Variants in B3GALNT2 observed in about 807,000 individuals in gnomAD.
The protein encoded by B3GALNT2 is UDP-GalNAc:beta-1,3-N-acetylgalactosaminyltransferase 2.
In B3GALNT2, 53 loss-of-function variants were observed where a neutral mutation model predicts 61.1. The observed-to-expected ratio is 0.87, with a 90% CI of 0.70 to 1.09. The LOEUF (loss-of-function observed/expected upper bound fraction) is 1.09. Ranked by LOEUF, B3GALNT2 falls within the 50% of genes least tolerant of loss-of-function variation. The pLI is 0.00. For synonymous variants in B3GALNT2, 223 were observed against 237.4 expected, an observed-to-expected ratio of 0.94 and a Z score of 0.56; for missense variants, 544 against 623.0, an observed-to-expected ratio of 0.87 and a Z score of 1.35.
intron 5 of B3GALNT2, among the ~76,000 whole-genome samples, chr1:235,474,653 G>C (rs704717): frequency 0.71 from 108,304 of 151,516 alleles, 39,312 homozygotes; most frequent in African/African-American, 0.84. Flanking sequence ...AACCCTGTCT[G>C]TATTAAAAAT....
At chr1:235,455,458 A>G (rs921985499) in intron 9 of B3GALNT2, 101 bp downstream of exon 9, 9 of 1,285,674 alleles carry the variant, frequency 7.0e-6, no homozygotes, top group African/African-American at 4.5e-5. Context: ...ACGAAATTGT[A>G]TATCTCAACC....
intron 5 of B3GALNT2, among the ~76,000 whole-genome samples, chr1:235,473,882 T>C (rs1684119323): frequency 1.3e-5 from 2 of 152,246 alleles, no homozygotes; most frequent in East Asian, 1.9e-4. Flanking sequence ...GTCCATTCAA[T>C]TGACATGACA....
chr1:235,498,843 CAAAAAAAAAAAAAA>C (rs57291873), intron 1 of B3GALNT2, among the ~76,000 whole-genome samples: 57 of 64,114 alleles, frequency 8.9e-4, no homozygotes, highest in Admixed American at 1.6e-3. Context: ...GACTCCTTCT[CAAAAAAAAAAAAAA>C]AAAAAAAAAA....
In B3GALNT2 at chr1:235,448,198, AAG is replaced by A; in HGVS notation, c.*2006_*2007del. On this transcript the variant is annotated 3_prime_UTR_variant, in exon 12 of 12. Transcript: ENST00000366600. ...CTGGGCGACAGAGCAAGACTTACTT[AAG>A]TAAGTAAGTAAGTCAGTCTCAAAAA... The A allele has an allele frequency of 1.4e-6, 1 of 692,650 alleles. No individual in the cohort carries two copies. The highest frequency in any genetic ancestry group is 2.5e-6 in the Non-Finnish European group (1 of 396,236). The allele number at this position is 692,650 out of a possible 1,614,324, so 42.9% of individuals were successfully genotyped here.
chr1:235,467,968 C>T (rs774956960), intron 6 of B3GALNT2, among the ~76,000 whole-genome samples: 13 of 151,858 alleles, frequency 8.6e-5, no homozygotes, highest in African/African-American at 1.7e-4. Flanking sequence ...TTAGTAGAGA[C>T]GGGGTTTCAC....
chr1:235,447,024 A>G (rs559858357), downstream of B3GALNT2, among the ~76,000 whole-genome samples: 1 of 152,244 alleles, frequency 6.6e-6, no homozygotes, highest in South Asian at 2.1e-4. Flanking sequence ...GGCATGTGTT[A>G]GGAGTATGTC....
chr1:235,503,104 A>G (rs183801415), intron 1 of B3GALNT2, among the ~76,000 whole-genome samples: 60 of 152,386 alleles, frequency 3.9e-4, no homozygotes, highest in Non-Finnish European at 2.1e-4. Context: ...GGATTGCCGA[A>G]TACTTTCTAC....
intron 8 of B3GALNT2, 45 bp downstream of exon 8, chr1:235,458,558 T>C: frequency 2.0e-6 from 3 of 1,495,128 alleles, no homozygotes; most frequent in Non-Finnish European, 2.7e-6. Flanking sequence ...AAAAAAAAAC[T>C]AACAATAAAA....
chr1:235,480,917 A>C (rs1459384008), intron 4 of B3GALNT2, among the ~76,000 whole-genome samples: 4 of 101,336 alleles, frequency 3.9e-5, no homozygotes, highest in East Asian at 3.8e-4. Context: ...AAAAAAAAAA[A>C]AAAAAAAAAA....
chr1:235,453,607 A>C (rs1683030196), intron 10 of B3GALNT2, among the ~76,000 whole-genome samples: 4 of 151,998 alleles, frequency 2.6e-5, no homozygotes, highest in Admixed American at 2.6e-4. Context: ...GTGTGCGCCC[A>C]GCTAATTTTT....
At chr1:235,486,111 T>G (rs949413665) in intron 3 of B3GALNT2, among the ~76,000 whole-genome samples, 1 of 152,160 alleles carries the variant, frequency 6.6e-6, no homozygotes, top group Admixed American at 6.5e-5. Context: ...AAATTACATT[T>G]TCTTCCTATA....
intron 1 of B3GALNT2, among the ~76,000 whole-genome samples, chr1:235,499,637 A>C (rs939391989): frequency 5.9e-5 from 9 of 152,180 alleles, no homozygotes; most frequent in Admixed American, 1.3e-4. Context: ...AAGGCATATA[A>C]ATTTATTTGA....
chr1:235,492,379 C>T (rs893768246), intron 2 of B3GALNT2, among the ~76,000 whole-genome samples: 13 of 152,162 alleles, frequency 8.5e-5, no homozygotes, highest in African/African-American at 2.9e-4. Context: ...TGCCTAATAT[C>T]TATTTTTATA....
chr1:235,482,778 G>A (rs989606271), intron 4 of B3GALNT2, among the ~76,000 whole-genome samples: 20 of 152,012 alleles, frequency 1.3e-4, no homozygotes, highest in Admixed American at 7.2e-4. Flanking sequence ...AGTGAACCAC[G>A]ACTGTGCCAC....
At chr1:235,457,618 A>T (rs1188388382) in intron 8 of B3GALNT2, among the ~76,000 whole-genome samples, 1 of 152,214 alleles carries the variant, frequency 6.6e-6, no homozygotes, top group African/African-American at 2.4e-5. Context: ...TAAATATGAT[A>T]GATTCTGGGA....
chr1:235,477,058 G>A (rs1684322841), intron 5 of B3GALNT2, among the ~76,000 whole-genome samples: 2 of 151,762 alleles, frequency 1.3e-5, no homozygotes, highest in Non-Finnish European at 2.9e-5. Flanking sequence ...AAAAATTAGG[G>A]GAAAAAAAAG....
intron 8 of B3GALNT2, among the ~76,000 whole-genome samples, chr1:235,457,048 C>G (rs1186035255): frequency 6.6e-6 from 1 of 152,082 alleles, no homozygotes; most frequent in East Asian, 1.9e-4. Context: ...TGGCTCACGC[C>G]TATAATCCCA....
chr1:235,503,409 T>C (rs1169056411), intron 1 of B3GALNT2, among the ~76,000 whole-genome samples: 1 of 152,258 alleles, frequency 6.6e-6, no homozygotes, highest in Non-Finnish European at 1.5e-5. Context: ...TATTAGGCTG[T>C]GACGCGAAAC....
At chr1:235,479,900 C>T in intron 5 of B3GALNT2, 154 bp downstream of exon 5, 2 of 1,318,698 alleles carry the variant, frequency 1.5e-6, no homozygotes. Context: ...ATACAGAGTG[C>T]TATGTTTTAG....
Sources: gnomAD v4.1 joint callset for allele counts (sites outside exome capture counted in the v4.1 genomes callset) on GRCh38, gnomAD v4.1.1 for gene constraint, MANE v1.5 for transcripts, NCBI Gene and HGNC (gene_info 2026-07-23, HGNC 2026-07-21) for gene names.